Variants in DTNA observed in about 807,000 individuals in gnomAD.
DTNA encodes dystrophin-related protein 3.
In DTNA, 43 loss-of-function variants were observed where a neutral mutation model predicts 100.7. That is an observed-to-expected ratio of 0.43 (90% CI 0.33 to 0.55). The LOEUF is 0.55. DTNA is among the 20% of genes least tolerant of loss of function. The pLI is 0.04. For synonymous variants in DTNA, 349 were observed against 347.9 expected (o/e 1.00, Z -0.04); for missense variants, 798 against 953.9 (o/e 0.84, Z 2.15).
chr18:34,869,738 A>G (rs1239382147), intron 17 of DTNA, among the ~76,000 whole-genome samples: 2 of 152,302 alleles, frequency 1.3e-5, no homozygotes, highest in African/African-American at 4.8e-5. Flanking sequence ...GGATAAAACT[A>G]AGGCCGTGCA....
intron 1 of DTNA, among the ~76,000 whole-genome samples, chr18:34,517,966 A>G (rs963094973): frequency 7.9e-5 from 12 of 152,198 alleles, no homozygotes; most frequent in African/African-American, 2.7e-4. Flanking sequence ...TAAATGCCCA[A>G]CAGTGCAATT....
chr18:34,585,175 C>T (rs1467851808), intron 1 of DTNA, among the ~76,000 whole-genome samples: 1 of 151,772 alleles, frequency 6.6e-6, no homozygotes, highest in East Asian at 1.9e-4. Flanking sequence ...GAACGGGACC[C>T]AAACTACAGA....
intron 1 of DTNA, among the ~76,000 whole-genome samples, chr18:34,674,715 C>A (rs1464423802): frequency 1.3e-5 from 2 of 152,288 alleles, no homozygotes; most frequent in African/African-American, 4.8e-5. Flanking sequence ...CACTATCAAT[C>A]ATTTATTCAA....
At chr18:34,872,882 G>A (rs989990855) in intron 17 of DTNA, among the ~76,000 whole-genome samples, 2 of 152,216 alleles carry the variant, frequency 1.3e-5, no homozygotes, top group Non-Finnish European at 2.9e-5. Flanking sequence ...ACAGTCCTTA[G>A]ACTCAGCATG....
At chr18:34,552,668 A>T (rs1411837092) in intron 1 of DTNA, among the ~76,000 whole-genome samples, 5 of 151,204 alleles carry the variant, frequency 3.3e-5, no homozygotes, top group African/African-American at 1.2e-4. Context: ...GAGAATGATG[A>T]TTTCCAATTT....
At position 34,827,766 on chromosome 18, in the gene DTNA, G is replaced by A. The variant is rs2095893804; in HGVS notation, c.1085+90G>A. On this transcript the variant is annotated intron_variant, in intron 10 of 22. Transcript: ENST00000444659. ...GAAAAATATTCTCATGCAAGCCAAG[G>A]GCAGAATATTGTTACTAGAAACTAA... is the stretch of plus-strand genomic sequence containing the variant. 3 of 1,293,348 alleles carry A rather than the reference G, an allele frequency of 2.3e-6. No homozygotes were observed. The South Asian group carries it at 3.6e-5, about 15-fold the overall frequency. 80.1% of individuals were successfully genotyped at this position (1,293,348 alleles called of 1,614,324 possible).
intron 1 of DTNA, among the ~76,000 whole-genome samples, chr18:34,549,707 T>C (rs1363395619): frequency 6.6e-6 from 1 of 152,114 alleles, no homozygotes; most frequent in Non-Finnish European, 1.5e-5. Context: ...TTCCTTTTGC[T>C]GATTTTTTCT....
At chr18:34,707,468 AG>A (rs2082262741), upstream of DTNA, among the ~76,000 whole-genome samples, 1 of 152,182 alleles carries the variant, frequency 6.6e-6, no homozygotes, top group Admixed American at 6.5e-5. Context: ...CGTATTCCCT[AG>A]GGGTTAAAGA....
chr18:34,553,229 G>GT (rs965549817), intron 1 of DTNA, among the ~76,000 whole-genome samples: 6 of 150,868 alleles, frequency 4.0e-5, no homozygotes, highest in East Asian at 3.9e-4. Flanking sequence ...GGGGTTGTTT[G>GT]TTTTTTTTCT....
At chr18:34,568,384 A>G (rs2047269672) in intron 1 of DTNA, among the ~76,000 whole-genome samples, 1 of 152,190 alleles carries the variant, frequency 6.6e-6, no homozygotes, top group South Asian at 2.1e-4. Context: ...TCATAAAGAA[A>G]AAGATAAGAT....
chr18:34,503,413 G>A (rs558241068), intron 1 of DTNA, among the ~76,000 whole-genome samples: 19 of 148,048 alleles, frequency 1.3e-4, no homozygotes, highest in African/African-American at 4.0e-4. Flanking sequence ...TCAGCCTCCC[G>A]AGTAGCTGGG....
chr18:34,866,422 T>G (rs1173946669), intron 17 of DTNA: 1 of 1,302,908 alleles, frequency 7.7e-7, no homozygotes, highest in African/African-American at 1.5e-5. Context: ...AGGTATAAGT[T>G]TCAAACCAGT....
intron 1 of DTNA, among the ~76,000 whole-genome samples, chr18:34,512,749 C>T (rs945783569): frequency 3.9e-5 from 6 of 151,986 alleles, no homozygotes. Context: ...ATGGTATATC[C>T]TTGCATTGAT....
chr18:34,665,036 A>G (rs1324913492), intron 1 of DTNA, among the ~76,000 whole-genome samples: 1 of 151,598 alleles, frequency 6.6e-6, no homozygotes, highest in African/African-American at 2.4e-5. Flanking sequence ...TGAAAATGCT[A>G]AGTCAAGCTC....
intron 1 of DTNA, among the ~76,000 whole-genome samples, chr18:34,509,560 AATG>A (rs2040826998): frequency 6.6e-6 from 1 of 152,058 alleles, no homozygotes; most frequent in Non-Finnish European, 1.5e-5. Context: ...GATTTTTGCT[AATG>A]ATGCTAAATA....
chr18:34,717,438 A>C (rs1239143841), intron 1 of DTNA, among the ~76,000 whole-genome samples: 2 of 152,196 alleles, frequency 1.3e-5, no homozygotes, highest in East Asian at 3.9e-4. Flanking sequence ...CCTTTTATCT[A>C]CAGAAATACA....
At chr18:34,677,830 T>A (rs2077578067) in intron 1 of DTNA, among the ~76,000 whole-genome samples, 1 of 152,190 alleles carries the variant, frequency 6.6e-6, no homozygotes, top group Admixed American at 6.5e-5. Flanking sequence ...GGTCTGAATG[T>A]CACAGAACAG....
intron 1 of DTNA, among the ~76,000 whole-genome samples, chr18:34,580,505 A>G (rs935721763): frequency 2.6e-5 from 4 of 152,096 alleles, no homozygotes; most frequent in Admixed American, 2.6e-4. Context: ...GATTAATCTA[A>G]TATGATTAGA....
chr18:34,627,307 T>TG (rs144555167), intron 1 of DTNA, among the ~76,000 whole-genome samples: 1,873 of 152,282 alleles, frequency 0.012, 34 homozygotes, highest in African/African-American at 0.043. Flanking sequence ...GTGTGACAGC[T>TG]GGGGAACCAA....
Sources: gnomAD v4.1 joint callset for allele counts (sites outside exome capture counted in the v4.1 genomes callset) on GRCh38, gnomAD v4.1.1 for gene constraint, MANE v1.5 for transcripts, NCBI Gene and HGNC (gene_info 2026-07-23, HGNC 2026-07-21) for gene names.